The following BAG2 variants were observed in gnomAD, a reference collection of about 807,000 sequenced individuals.
The protein encoded by BAG2 is BAG cochaperone 2.
BAG2 carries 8 observed loss-of-function variants against 16.4 expected under a neutral mutation model. The ratio of observed to expected loss-of-function variants is 0.49; its 90% CI spans 0.29 to 0.88. The LOEUF (loss-of-function observed/expected upper bound fraction) is 0.88. Ranked by LOEUF, BAG2 falls within the 40% of genes least tolerant of loss-of-function variation. The probability of loss-of-function intolerance (pLI) is 0.09; values close to 1 mark genes in which losing one functional copy is unlikely to be tolerated. For missense variants in BAG2, 218 were observed against 248.9 expected (o/e 0.88, Z 0.84); for synonymous variants, 82 against 89.2 (o/e 0.92, Z 0.46).
intron 2 of BAG2, among the ~76,000 whole-genome samples, 189 bp from the exon 3 acceptor site, chr6:57,183,589 G>A (rs1157781466): frequency 6.6e-6 from 1 of 152,138 alleles, no homozygotes. Flanking sequence ...CAGATTGTCA[G>A]GAAGTGGTAT....
At chr6:57,180,655 CAT>C (rs900343667) in intron 1 of BAG2, among the ~76,000 whole-genome samples, 24 of 149,748 alleles carry the variant, frequency 1.6e-4, no homozygotes, top group African/African-American at 5.9e-4. Flanking sequence ...GGATTAAAGA[CAT>C]AAATATAAGG....
At chr6:57,174,325 G>A (rs1764217496) in intron 1 of BAG2, 1 of 1,304,076 alleles carries the variant, frequency 7.7e-7, no homozygotes, top group Non-Finnish European at 1.0e-6. Flanking sequence ...GAATGGGGAG[G>A]TTGTTACTCC....
rs1045489748 is a variant in BAG2, at chr6:57,172,790, C to T, written c.93C>T (p.Ser31=). 6.4e-7 allele frequency: 1 copy of T among 1,564,684 alleles called. No individual in the cohort carries two copies. Among genetic ancestry groups the T allele is most frequent in the Non-Finnish European group, 8.6e-7 (1 of 1,158,368 alleles). ...ACCGCTCCAGCCGCCTGCTGGAGAG[C>T]CTGGACCAGCTGGAGCTCAGGTGAG... ...MADRSSRLLE[S]LDQLELRVEA... The change falls in exon 1 of 3, where the codon AGC becomes AGT. Residue 31 remains serine, a synonymous_variant. Coordinates refer to ENST00000370693, the MANE Select transcript of BAG2 (RefSeq NM_004282.4).
intron 1 of BAG2, chr6:57,173,639 G>A: frequency 5.5e-6 from 3 of 549,896 alleles, no homozygotes; most frequent in Non-Finnish European, 4.6e-6. Context: ...CTTTAACGGT[G>A]TATTGAAAAG....
Position 57,183,914 on chromosome 6 carries a change from G to A in BAG2, c.360G>A (p.Val120=). 1 of 1,614,068 alleles carries A rather than the reference G, an allele frequency of 6.2e-7. No individual in the cohort carries two copies. Among genetic ancestry groups the A allele is most frequent in the Non-Finnish European group, 8.5e-7 (1 of 1,179,982 alleles). Residue 120 remains valine (V), a synonymous_variant, in exon 3 of 3, where the codon GTG becomes GTA. Transcript: ENST00000370693. ...LKHATRIIDE[V]VNKFLDDLGN... ...ATGCCACAAGGATTATTGATGAGGT[G>A]GTCAATAAGTTTCTGGATGATTTGG...
At position 57,172,772 on chromosome 6, in the gene BAG2, C is replaced by CATGG; in HGVS notation, c.76_77insTGGA (p.Ser26MetfsTer16). The stretch of plus-strand genomic sequence containing the variant: ...GCTCCTCCTCCATGGCTGACCGCTC[C>CATGG]AGCCGCCTGCTGGAGAGCCTGGACC... On this transcript the variant is annotated frameshift_variant, in exon 1 of 3. Transcript: ENST00000370693. LOFTEE classifies it high-confidence loss of function. 4.4e-6 allele frequency: 7 copies of CATGG among 1,575,358 alleles called. No individual in the cohort carries two copies. Among genetic ancestry groups the CATGG allele is most frequent in the Non-Finnish European group, 6.0e-6 (7 of 1,163,850 alleles).
intron 1 of BAG2, among the ~76,000 whole-genome samples, chr6:57,179,648 T>C (rs1289617286): frequency 6.6e-6 from 1 of 152,202 alleles, no homozygotes; most frequent in Non-Finnish European, 1.5e-5. Flanking sequence ...TTTGCAAAAG[T>C]TGGCATCTTA....
intron 1 of BAG2, among the ~76,000 whole-genome samples, chr6:57,180,334 GA>G (rs1385105948): frequency 6.6e-6 from 1 of 151,926 alleles, no homozygotes; most frequent in Non-Finnish European, 1.5e-5. Context: ...AATTTATATG[GA>G]AAAGTTGGAG....
rs777032893 is a variant in BAG2, at chr6:57,184,069, G to A, written c.515G>A (p.Arg172Lys). 5 of 1,612,544 alleles carry A rather than the reference G, an allele frequency of 3.1e-6. No individual in the cohort carries two copies. The highest frequency in any genetic ancestry group is 4.2e-6 in the Non-Finnish European group (5 of 1,179,706). ...CALEDQKKIK[R>K]RLETLLRNIE... ...CTTGAAGATCAGAAGAAAATTAAGA[G>A]AAGATTAGAGACTCTGCTTAGAAAT... is the stretch of plus-strand genomic sequence containing the variant. The change falls in exon 3 of 3, where the codon AGA becomes AAA. Residue 172 changes from arginine to lysine, a missense_variant. By Grantham distance (26) the Arg-to-Lys change is conservative. Coordinates refer to ENST00000370693, the MANE Select transcript of BAG2 (RefSeq NM_004282.4).
intron 2 of BAG2, 67 bp downstream of exon 2, chr6:57,182,208 G>C (rs1764468489): frequency 6.9e-6 from 10 of 1,452,480 alleles, no homozygotes; most frequent in Non-Finnish European, 8.6e-6. Flanking sequence ...GATAAGTGTG[G>C]GTCAATTTTT....
chr6:57,177,458 T>C (rs1253487963), intron 1 of BAG2, among the ~76,000 whole-genome samples: 1 of 152,150 alleles, frequency 6.6e-6, no homozygotes, highest in African/African-American at 2.4e-5. Context: ...TTTCAAATCA[T>C]GGTATGAGCA....
chr6:57,182,941 T>G (rs1764508874), intron 2 of BAG2, among the ~76,000 whole-genome samples: 1 of 152,196 alleles, frequency 6.6e-6, no homozygotes, highest in Admixed American at 6.5e-5. Flanking sequence ...ATGTGACATC[T>G]GCCTAACCTG....
Position 57,172,685 on chromosome 6 carries a change from G to A in BAG2, c.-13G>A, listed in dbSNP as rs760878662. 4 of 1,523,352 alleles carry A rather than the reference G, an allele frequency of 2.6e-6. No individual in the cohort carries two copies. Among genetic ancestry groups the A allele is most frequent in the East Asian group, 2.7e-5 (1 of 36,702 alleles). 94.4% of individuals were successfully genotyped at this position (1,523,352 alleles called of 1,614,324 possible). ...GCCGGTGACCTCTTGGCTACCCCGC[G>A]TCGGAGGCTTAGATGGCTCAGGCGA... On this transcript the variant is annotated 5_prime_UTR_variant, in exon 1 of 3. Coordinates refer to ENST00000370693, the MANE Select transcript of BAG2 (RefSeq NM_004282.4).
Position 57,184,275 on chromosome 6 carries a change from G to A in BAG2, c.*85G>A. On this transcript the variant is annotated 3_prime_UTR_variant, in exon 3 of 3. Coordinates refer to ENST00000370693, the MANE Select transcript of BAG2 (RefSeq NM_004282.4). ...TTAATTGATAACTAGTTCTTTGTTA[G>A]GTATAACCACTTAGTTGACACTGAT... The A allele has an allele frequency of 6.3e-6, 8 of 1,263,218 alleles. No homozygotes were observed. Among genetic ancestry groups the A allele is most frequent in the Non-Finnish European group, 8.2e-6 (8 of 974,286 alleles). The allele number at this position is 1,263,218 out of a possible 1,614,324, so 78.3% of individuals were successfully genotyped here.
chr6:57,172,999 C>A, intron 1 of BAG2, 189 bp downstream of exon 1: 1 of 657,218 alleles, frequency 1.5e-6, no homozygotes, highest in Non-Finnish European at 2.3e-6. Flanking sequence ...TGGATTATCT[C>A]CCCTAGTCCG....
At position 57,184,164 on chromosome 6, in the gene BAG2, C is replaced by G; in HGVS notation, c.610C>G (p.Gln204Glu). 1.9e-6 allele frequency: 3 copies of G among 1,554,228 alleles called. No homozygotes were observed. Among genetic ancestry groups the G allele is most frequent in the Non-Finnish European group, 2.6e-6 (3 of 1,159,184 alleles). The change falls in exon 3 of 3, where the codon CAA becomes GAA. Residue 204 changes from glutamine to glutamate, a missense_variant. By Grantham distance (29) the Gln-to-Glu change is conservative (BLOSUM62 2). This residue lies in a region of BAG2 where 113 missense variants were observed against 128.0 expected (regional missense o/e 0.88). Coordinates refer to ENST00000370693, the MANE Select transcript of BAG2 (RefSeq NM_004282.4). Reference protein sequence around the residue: ...SKGAGSKTLQQNAESRFN With the variant: ...SKGAGSKTLQENAESRFN ...AGGAGCTGGTTCCAAAACTCTGCAA[C>G]AAAATGCTGAAAGCAGATTCAATTA...
At chr6:57,179,781 G>A (rs906830934) in intron 1 of BAG2, among the ~76,000 whole-genome samples, 4 of 152,014 alleles carry the variant, frequency 2.6e-5, no homozygotes, top group African/African-American at 9.7e-5. Flanking sequence ...GTATATTCAT[G>A]TGTGTGTATA....
intron 2 of BAG2, 85 bp from the exon 3 acceptor site, chr6:57,183,693 G>T (rs945295629): frequency 7.9e-7 from 1 of 1,268,368 alleles, no homozygotes; most frequent in Admixed American, 2.7e-5. Flanking sequence ...TCATGGCAGA[G>T]GTAAAGAAAA....
chr6:57,183,251 C>T (rs989913853), intron 2 of BAG2, among the ~76,000 whole-genome samples: 19 of 151,206 alleles, frequency 1.3e-4, no homozygotes, highest in Non-Finnish European at 5.9e-5. Flanking sequence ...TAGAGCTCCT[C>T]GTGCTGGCCA....
Sources: allele counts gnomAD v4.1 joint callset (sites outside exome capture counted in the v4.1 genomes callset), GRCh38; gene constraint gnomAD v4.1.1; regional missense constraint gnomAD v4.1.1; transcripts MANE v1.5; gene names NCBI Gene and HGNC (gene_info 2026-07-23, HGNC 2026-07-21).